EEA1: variants seen among roughly 807,000 people sequenced by gnomAD.
The protein encoded by EEA1 is early endosome antigen 1.
A neutral mutation model predicts 209.2 loss-of-function variants in EEA1; 111 were observed. The ratio of observed to expected loss-of-function variants is 0.53; its 90% CI spans 0.45 to 0.62. EEA1 has a LOEUF of 0.62. Ranked by LOEUF, EEA1 falls within the 20% of genes least tolerant of loss-of-function variation. The pLI, the probability that EEA1 is intolerant of heterozygous loss-of-function variation, is 0.00. For synonymous variants in EEA1, 536 were observed against 540.6 expected, an observed-to-expected ratio of 0.99 and a Z score of 0.12; for missense variants, 1,343 against 1,530.8, an observed-to-expected ratio of 0.88 and a Z score of 2.05.
At chr12:92,928,908 G>A (rs1312121779) in intron 1 of EEA1, 135 bp downstream of exon 1, 13 of 693,604 alleles carry the variant, frequency 1.9e-5, no homozygotes, top group African/African-American at 7.8e-5. Flanking sequence ...CCGGGCGACC[G>A]AGGCCTAAGC....
At chr12:92,849,253 G>A (rs61935261) in intron 9 of EEA1, among the ~76,000 whole-genome samples, 39,020 of 151,618 alleles carry the variant, frequency 0.26, 5,462 homozygotes, top group Non-Finnish European at 0.32. Context: ...TAATCAAAAG[G>A]GAGTGTATTT....
intron 11 of EEA1, among the ~76,000 whole-genome samples, chr12:92,830,231 C>T (rs976024599): frequency 4.6e-5 from 7 of 152,004 alleles, no homozygotes; most frequent in African/African-American, 1.2e-4. Flanking sequence ...AGGTAAATTA[C>T]GTGTCACAGG....
intron 2 of EEA1, among the ~76,000 whole-genome samples, chr12:92,871,850 A>G (rs1402733753): frequency 1.3e-5 from 2 of 152,098 alleles, no homozygotes; most frequent in Non-Finnish European, 2.9e-5. Flanking sequence ...GTCCTTACCT[A>G]TGTAAGACCT....
At position 92,842,551 on chromosome 12, in the gene EEA1, C is replaced by G; in HGVS notation, c.829G>C (p.Ala277Pro). 1 of 1,605,678 alleles carries G rather than the reference C, an allele frequency of 6.2e-7. No homozygotes were observed. Among genetic ancestry groups the G allele is most frequent in the Non-Finnish European group, 8.5e-7 (1 of 1,176,686 alleles). ...ATISQLRSEL[A>P]KGPQEVAVYV... ...ACAGCAACTTCCTGGGGGCCTTTGG[C>G]AAGTTCACTCCTTAGCTGGCTTATT... The change falls in exon 10 of 29, where the codon GCC (alanine) becomes CCC (proline). Residue 277 changes from alanine (A) to proline (P), a missense_variant. By Grantham distance (27) the Ala-to-Pro change is conservative. This residue lies in a region of EEA1 where 1,307 missense variants were observed against 1,465.5 expected (regional missense o/e 0.89). Transcript: ENST00000322349.
chr12:92,819,255 A>C, intron 14 of EEA1, 53 bp downstream of exon 14: 1 of 1,415,824 alleles, frequency 7.1e-7, no homozygotes, highest in Non-Finnish European at 9.6e-7. Context: ...ACTTAGTAAG[A>C]CTTAGAGAGA....
intron 9 of EEA1, among the ~76,000 whole-genome samples, chr12:92,843,398 A>G (rs1214650372): frequency 6.6e-6 from 1 of 150,750 alleles, no homozygotes; most frequent in Non-Finnish European, 1.5e-5. Flanking sequence ...GGCTCAAGCG[A>G]CTCTCCCACT....
In EEA1 at chr12:92,802,657, T is replaced by C. The variant is rs1326193495; in HGVS notation, c.2417A>G (p.Glu806Gly). ...TTGTTTCAGGATTTTTTTTTCTTCC[T>C]CTTGCTTGGTAAGCTTTTGCTTGAT... is the stretch of plus-strand genomic sequence containing the variant. ...ESIKQKLTKQ[E>G]EEKKILKQDF... The change falls in exon 19 of 29, where the codon GAG becomes GGG. Residue 806 changes from glutamate (E) to glycine (G), a missense_variant. Physicochemically the swap from Glu to Gly is moderately conservative, Grantham distance 98. Around this residue, in one of 3 missense-constraint regions of EEA1, gnomAD observed 1,307 missense variants for 1,465.5 expected, o/e 0.89. Coordinates refer to ENST00000322349, the MANE Select transcript of EEA1 (RefSeq NM_003566.4). 6 of 1,606,332 alleles carry C rather than the reference T, an allele frequency of 3.7e-6. No homozygotes were observed. The highest frequency in any genetic ancestry group is 4.2e-6 in the Non-Finnish European group (5 of 1,178,026).
chr12:92,894,607 C>A (rs1323371442), intron 1 of EEA1, among the ~76,000 whole-genome samples: 1 of 152,160 alleles, frequency 6.6e-6, no homozygotes, highest in Non-Finnish European at 1.5e-5. Flanking sequence ...TAAACCAAAG[C>A]CTAATTCAGA....
chr12:92,819,626 T>A, intron 13 of EEA1, 115 bp from the exon 14 acceptor site: 2 of 668,754 alleles, frequency 3.0e-6, no homozygotes, highest in Non-Finnish European at 4.7e-6. Context: ...TTACATTTTT[T>A]AAAACTATTA....
intron 13 of EEA1, 48 bp from the exon 14 acceptor site, chr12:92,819,559 GTT>G (rs1487762734): frequency 7.6e-7 from 1 of 1,321,314 alleles, no homozygotes; most frequent in South Asian, 1.5e-5. Context: ...AACTTAAAAA[GTT>G]ATTCCTCAAA....
chr12:92,776,710 CTA>C, intron 28 of EEA1, 132 bp downstream of exon 28: 1 of 788,796 alleles, frequency 1.3e-6, no homozygotes, highest in Non-Finnish European at 2.0e-6. Context: ...TGAAGTTATT[CTA>C]TGTTGTTGTT....
chr12:92,800,088 G>A (rs1450178109), intron 20 of EEA1, among the ~76,000 whole-genome samples: 2 of 152,032 alleles, frequency 1.3e-5, no homozygotes, highest in Non-Finnish European at 2.9e-5. Flanking sequence ...CAGGCGTGGT[G>A]GCAGGCACCT....
chr12:92,850,784 G>A (rs1592735833), intron 9 of EEA1, among the ~76,000 whole-genome samples: 1 of 139,426 alleles, frequency 7.2e-6, no homozygotes, highest in Admixed American at 7.2e-5. Flanking sequence ...TAATATAATT[G>A]TAGAAAATGC....
intron 16 of EEA1, 140 bp from the exon 17 acceptor site, chr12:92,811,574 T>C (rs564077723): frequency 1.4e-5 from 7 of 500,534 alleles, no homozygotes; most frequent in Non-Finnish European, 1.9e-5. Context: ...TAATGATATA[T>C]CAGAGGCTAT....
At chr12:92,880,405 A>G (rs547993247) in intron 2 of EEA1, among the ~76,000 whole-genome samples, 1 of 152,166 alleles carries the variant, frequency 6.6e-6, no homozygotes, top group East Asian at 1.9e-4. Context: ...CACAGGAGCA[A>G]GCGATTCTCC....
chr12:92,928,270 T>C (rs1881285569), intron 1 of EEA1, among the ~76,000 whole-genome samples: 1 of 152,190 alleles, frequency 6.6e-6, no homozygotes, highest in Non-Finnish European at 1.5e-5. Flanking sequence ...ACCTACAGTT[T>C]TCTAATGCTC....
Position 92,826,130 on chromosome 12 carries a change from T to C in EEA1, c.1524+36A>G, listed in dbSNP as rs1349252331. The C allele has an allele frequency of 3.1e-6, 5 of 1,602,560 alleles. No homozygotes were observed. In the African/African-American group the frequency reaches 6.7e-5, roughly 22 times the overall value. On this transcript the variant is annotated intron_variant, in intron 13 of 28. Coordinates refer to ENST00000322349, the MANE Select transcript of EEA1 (RefSeq NM_003566.4). ...ATATTCTATGTAATGGTAATTAATT[T>C]GTGTTTACAAGGCTAATAACGCAAC...
intron 10 of EEA1, among the ~76,000 whole-genome samples, chr12:92,836,413 T>C (rs2120576): frequency 0.12 from 18,314 of 152,204 alleles, 1,998 homozygotes; most frequent in East Asian, 0.48. Context: ...AATTTCCCTA[T>C]ATTACGCTCC....
At chr12:92,882,806 T>A (rs1190736141) in intron 2 of EEA1, among the ~76,000 whole-genome samples, 2 of 152,258 alleles carry the variant, frequency 1.3e-5, no homozygotes, top group Non-Finnish European at 2.9e-5. Flanking sequence ...ATTTCTTTTT[T>A]TTATCCAATC....
Sources: gnomAD v4.1 joint callset for allele counts (sites outside exome capture counted in the v4.1 genomes callset) on GRCh38, gnomAD v4.1.1 for gene constraint, gnomAD v4.1.1 regional missense constraint, MANE v1.5 for transcripts, NCBI Gene and HGNC (gene_info 2026-07-23, HGNC 2026-07-21) for gene names.